RSU1: variants seen among roughly 807,000 people sequenced by gnomAD.
The protein encoded by RSU1 is rsu-1.
A neutral mutation model predicts 31.1 loss-of-function variants in RSU1; 26 were observed. The ratio of observed to expected loss-of-function variants is 0.84; its 90% CI spans 0.61 to 1.16. The LOEUF is 1.16. RSU1 is among the 50% of genes most tolerant of loss of function. The probability of loss-of-function intolerance (pLI) is 0.00; values close to 1 mark genes in which losing one functional copy is unlikely to be tolerated. For missense variants in RSU1, 320 were observed against 339.1 expected (o/e 0.94, Z 0.44); for synonymous variants, 164 against 136.3 (o/e 1.20, Z -1.41).
At chr10:16,799,629 GA>G (rs58004558) in intron 2 of RSU1, among the ~76,000 whole-genome samples, 1 of 151,010 alleles carries the variant, frequency 6.6e-6, no homozygotes, top group Non-Finnish European at 1.5e-5. Context: ...GAAAAAATTA[GA>G]AAAAAAAATC....
intron 8 of RSU1, among the ~76,000 whole-genome samples, chr10:16,624,111 T>C (rs1292115229): frequency 6.6e-6 from 1 of 152,092 alleles, no homozygotes; most frequent in Non-Finnish European, 1.5e-5. Flanking sequence ...TGGGTGGTCA[T>C]GTCAACTACA....
At chr10:16,636,250 A>G (rs913720217) in intron 8 of RSU1, among the ~76,000 whole-genome samples, 1 of 151,942 alleles carries the variant, frequency 6.6e-6, no homozygotes, top group Non-Finnish European at 1.5e-5. Flanking sequence ...ACCTTTAACT[A>G]TCCCCAAACT....
intron 2 of RSU1, among the ~76,000 whole-genome samples, chr10:16,785,441 C>T (rs1296621760): frequency 8.0e-5 from 11 of 137,578 alleles, no homozygotes; most frequent in African/African-American, 2.9e-4. Flanking sequence ...TATATATATA[C>T]ACATATATAC....
In RSU1 at chr10:16,648,337, TG is replaced by T. The variant is rs1322810378; in HGVS notation, c.731+46685del. Among the ~76,000 whole-genome samples, 3 of 152,184 alleles carry T rather than the reference TG, an allele frequency of 2.0e-5. No homozygotes were observed. In the East Asian group the frequency reaches 5.8e-4, roughly 29 times the overall value. The stretch of plus-strand genomic sequence containing the variant: ...TCCATCTCACAAAGAATGATCATTT[TG>T]GGGAAACTAAGGCAGTTCAAAGGCA... On this transcript the variant is annotated intron_variant, in intron 8 of 8. Coordinates refer to ENST00000345264, the MANE Select transcript of RSU1 (RefSeq NM_012425.4).
intron 8 of RSU1, among the ~76,000 whole-genome samples, chr10:16,663,777 C>T (rs906328150): frequency 1.3e-5 from 2 of 152,192 alleles, no homozygotes; most frequent in Non-Finnish European, 2.9e-5. Flanking sequence ...TCACTTTCAC[C>T]TCAACTACAA....
At chr10:16,594,793 T>A (rs143570865) in intron 8 of RSU1, among the ~76,000 whole-genome samples, 5,767 of 146,342 alleles carry the variant, frequency 0.039, 375 homozygotes, top group African/African-American at 0.13. Context: ...ATATATATTT[T>A]TTTTTTTTTG....
intron 7 of RSU1, chr10:16,721,652 G>A (rs548850424): frequency 1.7e-4 from 26 of 152,298 alleles, no homozygotes; most frequent in African/African-American, 5.3e-4. Context: ...ATGGTATCAC[G>A]CTCATTCTCT....
chr10:16,694,081 C>T (rs1835623919), intron 8 of RSU1, among the ~76,000 whole-genome samples: 2 of 152,002 alleles, frequency 1.3e-5, no homozygotes, highest in Non-Finnish European at 2.9e-5. Flanking sequence ...GTACATATAA[C>T]AACAGAAGCA....
At chr10:16,630,331 T>TCC (rs1834227350) in intron 8 of RSU1, among the ~76,000 whole-genome samples, 1 of 152,260 alleles carries the variant, frequency 6.6e-6, no homozygotes, top group African/African-American at 2.4e-5. Context: ...TTAGGAAGTT[T>TCC]CCATCGTGTT....
chr10:16,711,769 C>T (rs909434187), intron 7 of RSU1, among the ~76,000 whole-genome samples: 2 of 152,184 alleles, frequency 1.3e-5, no homozygotes, highest in Non-Finnish European at 2.9e-5. Flanking sequence ...GGATCTCTAT[C>T]TCAAATCTGT....
intron 7 of RSU1, among the ~76,000 whole-genome samples, chr10:16,736,581 T>C (rs892822104): frequency 6.6e-6 from 1 of 151,786 alleles, no homozygotes; most frequent in Non-Finnish European, 1.5e-5. Context: ...AAAGAATTCA[T>C]ACAACCAAAA....
At chr10:16,677,996 CA>C (rs769856545) in intron 8 of RSU1, among the ~76,000 whole-genome samples, 6 of 148,510 alleles carry the variant, frequency 4.0e-5, no homozygotes, top group Admixed American at 6.7e-5. Context: ...AGAAAAGAAA[CA>C]AAAAAAAAAT....
chr10:16,762,142 C>T (rs927854467), intron 4 of RSU1, among the ~76,000 whole-genome samples: 2 of 152,028 alleles, frequency 1.3e-5, no homozygotes, highest in African/African-American at 2.4e-5. Context: ...CTTGGCTCCC[C>T]GGTACTAGGA....
chr10:16,654,292 C>T (rs761319438), intron 8 of RSU1, among the ~76,000 whole-genome samples: 8 of 148,012 alleles, frequency 5.4e-5, no homozygotes, highest in Non-Finnish European at 8.9e-5. Flanking sequence ...TGTGTGCCAC[C>T]GCTCATATGG....
chr10:16,765,903 G>C (rs1011460610), intron 3 of RSU1, among the ~76,000 whole-genome samples: 2 of 152,186 alleles, frequency 1.3e-5, no homozygotes, highest in African/African-American at 4.8e-5. Flanking sequence ...CCACCACAAA[G>C]GTGTGTGTAA....
At chr10:16,816,841 T>C in intron 2 of RSU1, 132 bp downstream of exon 2, 3 of 658,896 alleles carry the variant, frequency 4.6e-6, no homozygotes, top group South Asian at 1.8e-5. Flanking sequence ...GCGAAGCCCC[T>C]GACAAGTGAG....
chr10:16,752,777 G>A lies in RSU1; in HGVS notation c.484-124C>T, dbSNP rs112087295. ...CCTTTCCATGTATTTACAAGTGCCG[G>A]CGGATAATCAAGAAACACTATCAGG... is the stretch of plus-strand genomic sequence containing the variant. On this transcript the variant is annotated intron_variant, in intron 6 of 8. Transcript: ENST00000345264. 5.1e-3 allele frequency: 5,283 copies of A among 1,025,872 alleles called. 193 individuals are homozygous for A. In the African/African-American group the frequency reaches 0.073, roughly 14 times the overall value. 63.5% of individuals were successfully genotyped at this position (1,025,872 alleles called of 1,614,324 possible).
intron 7 of RSU1, among the ~76,000 whole-genome samples, chr10:16,706,331 T>G (rs542232591): frequency 6.6e-6 from 1 of 152,226 alleles, no homozygotes; most frequent in Admixed American, 6.5e-5. Context: ...TAGTTTTCAC[T>G]TGCACTTCCG....
chr10:16,678,397 G>A (rs547178145), intron 8 of RSU1, among the ~76,000 whole-genome samples: 29 of 152,202 alleles, frequency 1.9e-4, no homozygotes, highest in Non-Finnish European at 2.8e-4. Flanking sequence ...TGCATTAAGC[G>A]AGAAACCTTC....
Sources: allele counts gnomAD v4.1 joint callset (sites outside exome capture counted in the v4.1 genomes callset), GRCh38; gene constraint gnomAD v4.1.1; transcripts MANE v1.5; gene names NCBI Gene and HGNC (gene_info 2026-07-23, HGNC 2026-07-21).